The following LRIG3 variants were observed in gnomAD, a reference collection of about 807,000 sequenced individuals.
LRIG3 encodes leucine-rich repeats and immunoglobulin-like domains protein 3.
Under a neutral mutation model 114.5 loss-of-function variants are expected in LRIG3, and 76 were observed. The observed-to-expected ratio is 0.66, with a 90% CI of 0.55 to 0.80. The LOEUF is 0.80. Among genes scored for constraint, LRIG3 ranks in the 30% least tolerant of loss-of-function variants. The pLI is 0.00. For missense variants in LRIG3, 1,239 were observed against 1,382.8 expected, an observed-to-expected ratio of 0.90 and a Z score of 1.65; for synonymous variants, 512 against 519.8, an observed-to-expected ratio of 0.98 and a Z score of 0.20.
At chr12:58,883,153 G>A in intron 11 of LRIG3, 121 bp from the exon 12 acceptor site, 1 of 899,086 alleles carries the variant, frequency 1.1e-6, no homozygotes, top group Non-Finnish European at 1.6e-6. Flanking sequence ...ACATCCCATG[G>A]AATAAGTATC....
In LRIG3 at chr12:58,882,882, A is replaced by T. The variant is rs1308802209; in HGVS notation, c.1467T>A (p.Asp489Glu). 1 of 1,613,806 alleles carries T rather than the reference A, an allele frequency of 6.2e-7. No homozygotes were observed. The highest frequency in any genetic ancestry group is 1.1e-5 in the South Asian group (1 of 91,044). Residue 489 changes from aspartate to glutamate, a missense_variant, in exon 12 of 19, where the codon GAT becomes GAA. Asp to Glu is a conservative substitution (Grantham distance 45, BLOSUM62 2). Coordinates refer to ENST00000320743, the MANE Select transcript of LRIG3 (RefSeq NM_153377.5). ...ACTTATACTCACCACACACAAAGCC[A>T]TCTGGGCTAACAGCAAAAATGCTTC... ...KGRSIFAVSP[D>E]GFVCDDFPKP...
intron 2 of LRIG3, 97 bp from the exon 3 acceptor site, chr12:58,914,153 C>T (rs763196357): frequency 1.7e-5 from 25 of 1,507,546 alleles, no homozygotes; most frequent in Non-Finnish European, 2.3e-5. Context: ...AGATACCACC[C>T]AAGTTAAAAG....
Position 58,874,278 on chromosome 12 carries a change from G to GT in LRIG3, c.2891dup (p.Tyr964Ter), listed in dbSNP as rs759235769. Reference sequence around the variant, plus strand: ...ATGGGTAGCACTCCTTTTTCTTTATGTAACTGGGCTCATAGTGGTCCATTA... The same window carrying GT: ...ATGGGTAGCACTCCTTTTTCTTTATGTTAACTGGGCTCATAGTGGTCCATTA... ...TVLMDHYEPSYIKKKECYPCS... is the reference protein window; with the variant it reads ...TVLMDHYEPS The change falls in exon 18 of 19, where the codon TAC becomes TAAC. Residue 964 changes from tyrosine to a stop codon, truncating the protein, a stop_gained and frameshift_variant. Transcript: ENST00000320743. LOFTEE classifies it high-confidence loss of function. The GT allele has an allele frequency of 3.7e-6, 6 of 1,613,870 alleles. No homozygotes were observed. In the African/African-American group the frequency reaches 6.7e-5, roughly 18 times the overall value.
intron 1 of LRIG3, 139 bp downstream of exon 1, chr12:58,919,861 G>C (rs1352103228): frequency 1.1e-6 from 1 of 930,766 alleles, no homozygotes; most frequent in Non-Finnish European, 1.6e-6. Flanking sequence ...CACGCCCACG[G>C]AGCGCCGATC....
intron 15 of LRIG3, among the ~76,000 whole-genome samples, chr12:58,876,830 C>A (rs1870936944): frequency 6.6e-6 from 1 of 152,160 alleles, no homozygotes; most frequent in Admixed American, 6.5e-5. Context: ...ATTGGATGCA[C>A]CTCCCAAATT....
chr12:58,877,836 C>T lies in LRIG3; in HGVS notation c.2100G>A (p.Leu700=), dbSNP rs774984503. The T allele has an allele frequency of 6.3e-7, 1 of 1,594,406 alleles. No individual in the cohort carries two copies. The highest frequency in any genetic ancestry group is 2.2e-5 in the East Asian group (1 of 44,452). Residue 700 remains leucine (L), a synonymous_variant, in exon 15 of 19, where the codon TTG becomes TTA. Coordinates refer to ENST00000320743, the MANE Select transcript of LRIG3 (RefSeq NM_153377.5). ...TLTVLETPSF[L]RPLLDRTVTK... The stretch of plus-strand genomic sequence containing the variant: ...TTACAGTTCGGTCCAACAGTGGCCG[C>T]AAAAATGATGGTGTTTCTGAAATAA...
chr12:58,890,718 G>C lies in LRIG3; in HGVS notation c.462C>G (p.Ser154Arg). Residue 154 changes from serine (S) to arginine (R), a missense_variant, in exon 4 of 19, where the codon AGC (serine) becomes AGG (arginine). Physicochemically the swap from Ser to Arg is moderately radical, Grantham distance 110 (BLOSUM62 -1). Coordinates refer to ENST00000320743, the MANE Select transcript of LRIG3 (RefSeq NM_153377.5). The stretch of plus-strand genomic sequence containing the variant: ...CAGTTTGGAGCTCTGAAATATTGTT[G>C]CTGCTAAGGTCCAAAGTTTCAAGGG... ...FQSLETLDLS[S>R]NNISELQTAF... 2 of 1,607,118 alleles carry C rather than the reference G, an allele frequency of 1.2e-6. No individual in the cohort carries two copies. The highest frequency in any genetic ancestry group is 1.7e-6 in the Non-Finnish European group (2 of 1,177,228).
intron 3 of LRIG3, among the ~76,000 whole-genome samples, chr12:58,899,101 A>G (rs1871751109): frequency 1.3e-5 from 2 of 152,338 alleles, no homozygotes; most frequent in African/African-American, 2.4e-5. Context: ...CAGATTGTTA[A>G]GCCCACACCT....
intron 3 of LRIG3, among the ~76,000 whole-genome samples, chr12:58,907,095 CCTGAAA>C (rs951393174): frequency 7.2e-5 from 11 of 152,312 alleles, no homozygotes; most frequent in African/African-American, 2.4e-4. Context: ...CTCCACACAT[CCTGAAA>C]CCTATGTGCT....
chr12:58,883,802 T>A (rs1440364782), intron 10 of LRIG3, among the ~76,000 whole-genome samples: 1 of 152,210 alleles, frequency 6.6e-6, no homozygotes, highest in Non-Finnish European at 1.5e-5. Flanking sequence ...TTTGTTTTAG[T>A]GAAAAAGATT....
At chr12:58,902,253 G>A (rs1871880454) in intron 3 of LRIG3, among the ~76,000 whole-genome samples, 1 of 151,624 alleles carries the variant, frequency 6.6e-6, no homozygotes, top group East Asian at 1.9e-4. Flanking sequence ...CAATTCAAAA[G>A]CATCTTATTC....
In LRIG3 at chr12:58,872,440, C is replaced by G; in HGVS notation, c.*132G>C. On this transcript the variant is annotated 3_prime_UTR_variant, in exon 19 of 19. Transcript: ENST00000320743. ...TTCATAACTTTTTGTAATTTTGGTT[C>G]ATCTGTATAAATAAAGCATTTTTAT... 1 of 1,016,384 alleles carries G rather than the reference C, an allele frequency of 9.8e-7. No individual in the cohort carries two copies. The highest frequency in any genetic ancestry group is 1.3e-6 in the Non-Finnish European group (1 of 767,018). 63.0% of individuals were successfully genotyped at this position (1,016,384 alleles called of 1,614,324 possible).
chr12:58,888,988 C>T (rs779232847), intron 5 of LRIG3, 26 bp from the exon 6 acceptor site: 7 of 1,596,996 alleles, frequency 4.4e-6, no homozygotes, highest in Non-Finnish European at 6.0e-6. Context: ...CAAGAGTTAG[C>T]TTATATGACA....
rs563688431 is a variant in LRIG3, at chr12:58,892,678, C to T, written c.384-1882G>A. Among the ~76,000 whole-genome samples the T allele has an allele frequency of 4.6e-5, 7 of 152,294 alleles. No homozygotes were observed. In the South Asian group the frequency reaches 1.0e-3, roughly 23 times the overall value. On this transcript the variant is annotated intron_variant, in intron 3 of 18. Coordinates refer to ENST00000320743, the MANE Select transcript of LRIG3 (RefSeq NM_153377.5). ...TATAAAATCTAACAATATTGAAGAT[C>T]GATTAAGTGCCAAGCCCTATGCTAA...
chr12:58,876,561 G>C lies in LRIG3; in HGVS notation c.2579C>G (p.Ser860Cys), dbSNP rs768648735. The change falls in exon 16 of 19, where the codon TCT becomes TGT. Residue 860 changes from serine (S) to cysteine (C), a missense_variant. By Grantham distance (112) the Ser-to-Cys change is moderately radical. Coordinates refer to ENST00000320743, the MANE Select transcript of LRIG3 (RefSeq NM_153377.5). ...CTGCCTGTCAGCTAACGTTCCCTGA[G>C]ATGACAAATAACTAGGAATATCTGC... ...LPADIPSYLS[S>C]QGTLADRQDG... The C allele has an allele frequency of 6.2e-7, 1 of 1,614,160 alleles. No homozygotes were observed.
chr12:58,884,101 AG>A (rs1246062812), intron 10 of LRIG3, among the ~76,000 whole-genome samples: 1 of 152,258 alleles, frequency 6.6e-6, no homozygotes, highest in Non-Finnish European at 1.5e-5. Flanking sequence ...GGGGAAGGTA[AG>A]GGTTGAAACA....
chr12:58,902,539 T>C (rs1871896262), intron 3 of LRIG3, among the ~76,000 whole-genome samples: 1 of 152,190 alleles, frequency 6.6e-6, no homozygotes, highest in African/African-American at 2.4e-5. Flanking sequence ...AAAGCAGGTG[T>C]TTATATTTAT....
At chr12:58,876,405 T>A (rs771959811) in intron 16 of LRIG3, 40 bp downstream of exon 16, 4 of 1,602,248 alleles carry the variant, frequency 2.5e-6, no homozygotes, top group Non-Finnish European at 3.4e-6. Flanking sequence ...ACCATATGAC[T>A]TCAAAACAAT....
At chr12:58,885,570 CAATT>C (rs1295954368) in intron 10 of LRIG3, among the ~76,000 whole-genome samples, 1 of 150,822 alleles carries the variant, frequency 6.6e-6, no homozygotes, top group Non-Finnish European at 1.5e-5. Flanking sequence ...TTGAGAAAAA[CAATT>C]AAAAACCCAT....
Sources: gnomAD v4.1 joint callset for allele counts (sites outside exome capture counted in the v4.1 genomes callset) on GRCh38, gnomAD v4.1.1 for gene constraint, MANE v1.5 for transcripts, NCBI Gene and HGNC (gene_info 2026-07-23, HGNC 2026-07-21) for gene names.